The following DYNC1LI1 variants were observed in gnomAD, a reference collection of about 807,000 sequenced individuals.
DYNC1LI1 encodes cytoplasmic dynein 1 light intermediate chain 1.
A neutral mutation model predicts 63.8 loss-of-function variants in DYNC1LI1; 19 were observed. The observed-to-expected ratio is 0.30, with a 90% CI of 0.21 to 0.44. The LOEUF is 0.44. Among genes scored for constraint, DYNC1LI1 ranks in the 20% least tolerant of loss-of-function variants. The pLI is 1.00. For synonymous variants in DYNC1LI1, 225 were observed against 232.3 expected (o/e 0.97, Z 0.28); for missense variants, 565 against 630.2 (o/e 0.90, Z 1.11).
chr3:32,530,745 T>C, intron 8 of DYNC1LI1: 1 of 465,218 alleles, frequency 2.1e-6, no homozygotes, highest in Non-Finnish European at 3.8e-6. Context: ...CTGTTCAATA[T>C]GGCAGTCACT....
intron 2 of DYNC1LI1, among the ~76,000 whole-genome samples, chr3:32,560,816 C>T (rs1698179749): frequency 6.6e-6 from 1 of 151,322 alleles, no homozygotes; most frequent in Non-Finnish European, 1.5e-5. Flanking sequence ...CCAGCCTGAC[C>T]AACATGGAGA....
intron 2 of DYNC1LI1, among the ~76,000 whole-genome samples, chr3:32,550,418 T>C (rs437466): frequency 0.57 from 86,334 of 151,958 alleles, 25,075 homozygotes; most frequent in African/African-American, 0.68. Context: ...GCAGCAAGAG[T>C]GAAACTCCGT....
At chr3:32,538,266 A>G (rs761576922) in intron 5 of DYNC1LI1, among the ~76,000 whole-genome samples, 247 of 149,570 alleles carry the variant, frequency 1.7e-3, no homozygotes, top group Non-Finnish European at 3.1e-3. Context: ...GGCACAGAAC[A>G]GAGTCTCATT....
At chr3:32,531,735 G>A (rs1374457240) in intron 8 of DYNC1LI1, 17 of 151,946 alleles carry the variant, frequency 1.1e-4, no homozygotes, top group Non-Finnish European at 2.1e-4. Context: ...ATGAGTGTTT[G>A]GATTCTGAAG....
intron 2 of DYNC1LI1, among the ~76,000 whole-genome samples, chr3:32,560,793 C>T (rs185453538): frequency 3.3e-5 from 5 of 151,744 alleles, no homozygotes; most frequent in African/African-American, 1.2e-4. Flanking sequence ...CACCTAAGGT[C>T]GGGAGTTCAA....
chr3:32,559,432 T>G (rs545626973), intron 2 of DYNC1LI1, among the ~76,000 whole-genome samples: 1 of 152,080 alleles, frequency 6.6e-6, no homozygotes, highest in Non-Finnish European at 1.5e-5. Context: ...TAGAGCAAGA[T>G]TTCACCATGC....
At chr3:32,530,122 AATAG>A (rs1697675401) in intron 10 of DYNC1LI1, among the ~76,000 whole-genome samples, 158 bp downstream of exon 10, 3 of 152,222 alleles carry the variant, frequency 2.0e-5, no homozygotes. Flanking sequence ...AAATGTTACA[AATAG>A]ATCTTTACAC....
At chr3:32,560,092 C>A (rs1698169062) in intron 2 of DYNC1LI1, among the ~76,000 whole-genome samples, 1 of 152,136 alleles carries the variant, frequency 6.6e-6, no homozygotes, top group Non-Finnish European at 1.5e-5. Context: ...TACATCCCTC[C>A]AACATGTCAA....
At chr3:32,527,567 TA>T (rs1697637798) in intron 12 of DYNC1LI1, among the ~76,000 whole-genome samples, 1 of 152,186 alleles carries the variant, frequency 6.6e-6, no homozygotes, top group Non-Finnish European at 1.5e-5. Flanking sequence ...GATGACAATT[TA>T]AAATGATACA....
At chr3:32,536,563 A>G (rs1697776196) in intron 6 of DYNC1LI1, among the ~76,000 whole-genome samples, 1 of 152,168 alleles carries the variant, frequency 6.6e-6, no homozygotes, top group African/African-American at 2.4e-5. Flanking sequence ...CTCCAATCCA[A>G]TATGTCTAGA....
chr3:32,542,849 T>C (rs946873314), intron 4 of DYNC1LI1, among the ~76,000 whole-genome samples: 2 of 152,222 alleles, frequency 1.3e-5, no homozygotes, highest in Admixed American at 6.5e-5. Flanking sequence ...TGAATTTACA[T>C]GGGGTCAAGG....
chr3:32,537,189 G>A, intron 5 of DYNC1LI1, 85 bp from the exon 6 acceptor site: 5 of 695,546 alleles, frequency 7.2e-6, no homozygotes, highest in East Asian at 3.2e-5. Context: ...TTCTGGATAG[G>A]GGAACATCAT....
At position 32,530,529 on chromosome 3, in the gene DYNC1LI1, A is replaced by G. The variant is rs773191391; in HGVS notation, c.1081-9T>C. ...TCCTTCTCATGTACAAACTGAAATG[A>G]GCAATGCACAAATGAGCAAATTTAA... On this transcript the variant is annotated splice_polypyrimidine_tract_variant and intron_variant, in intron 8 of 12. Coordinates refer to ENST00000273130, the MANE Select transcript of DYNC1LI1 (RefSeq NM_016141.4). The G allele has an allele frequency of 1.6e-5, 25 of 1,610,804 alleles. No individual in the cohort carries two copies. The highest frequency in any genetic ancestry group is 2.1e-5 in the Non-Finnish European group (25 of 1,178,196).
chr3:32,545,816 A>G, intron 3 of DYNC1LI1, 33 bp downstream of exon 3: 1 of 1,467,228 alleles, frequency 6.8e-7, no homozygotes, highest in Non-Finnish European at 9.5e-7. Context: ...CTCAAAATAG[A>G]CTTCAGAAAT....
At chr3:32,542,408 ATTT>A (rs35822448) in intron 4 of DYNC1LI1, among the ~76,000 whole-genome samples, 6 of 133,706 alleles carry the variant, frequency 4.5e-5, no homozygotes, top group East Asian at 2.2e-4. Flanking sequence ...GCTATTTTCA[ATTT>A]TTTTTTTTTT....
chr3:32,542,008 GA>G (rs1310840501), intron 4 of DYNC1LI1, among the ~76,000 whole-genome samples: 2 of 152,084 alleles, frequency 1.3e-5, no homozygotes, highest in Non-Finnish European at 2.9e-5. Flanking sequence ...AGTTTTCAAA[GA>G]ATATTTAACG....
At chr3:32,534,993 G>A (rs891066320) in intron 6 of DYNC1LI1, among the ~76,000 whole-genome samples, 2 of 152,080 alleles carry the variant, frequency 1.3e-5, no homozygotes, top group Non-Finnish European at 2.9e-5. Context: ...CTTCATAGAG[G>A]GGATATTATT....
At chr3:32,536,074 G>C (rs1426738507) in intron 6 of DYNC1LI1, among the ~76,000 whole-genome samples, 1 of 152,100 alleles carries the variant, frequency 6.6e-6, no homozygotes, top group Non-Finnish European at 1.5e-5. Context: ...GACATGAGAA[G>C]AGAAAGGCCC....
intron 5 of DYNC1LI1, 45 bp downstream of exon 5, chr3:32,540,992 T>A (rs745638517): frequency 1.4e-6 from 2 of 1,456,554 alleles, no homozygotes; most frequent in Admixed American, 2.2e-5. Context: ...CAGTTGTTCA[T>A]CCTCAGTGAA....
Sources: gnomAD v4.1 joint callset for allele counts (sites outside exome capture counted in the v4.1 genomes callset) on GRCh38, gnomAD v4.1.1 for gene constraint, MANE v1.5 for transcripts, NCBI Gene and HGNC (gene_info 2026-07-23, HGNC 2026-07-21) for gene names.